Variants in RAB11FIP5 observed in about 807,000 individuals in gnomAD.
RAB11FIP5 encodes rab11 family-interacting protein 5.
In RAB11FIP5, 48 loss-of-function variants were observed where a neutral mutation model predicts 85.1. The ratio of observed to expected loss-of-function variants is 0.56; its 90% CI spans 0.45 to 0.72. The LOEUF (loss-of-function observed/expected upper bound fraction) is 0.72, where lower values mean the gene tolerates loss of function less well. Ranked by LOEUF, RAB11FIP5 falls within the 30% of genes least tolerant of loss-of-function variation. The pLI, the probability that RAB11FIP5 is intolerant of heterozygous loss-of-function variation, is 0.00. For missense variants in RAB11FIP5, 1,491 were observed against 1,687.0 expected (o/e 0.88, Z 2.04); for synonymous variants, 729 against 727.3 (o/e 1.00, Z -0.04).
rs770754642 is a variant in RAB11FIP5 at position 73,089,034 on chromosome 2, T to G, written c.713A>C (p.Asn238Thr). The change falls in exon 2 of 6, where the codon AAC becomes ACC. Residue 238 changes from asparagine to threonine, a missense_variant. By Grantham distance (65) the Asn-to-Thr change is moderately conservative. Transcript: ENST00000486777. The surrounding 1 kb of genome is among the most constrained non-coding windows in gnomAD (Gnocchi z 4.6). ...GGTCAGGGACGACTTGCGCAGCTTG[T>G]TGCGGAGGAAGAAGCCTTTGGCTTT... ...MGKAKGFFLR[N>T]KLRKSSLTQS... 3 of 1,614,208 alleles carry G rather than the reference T, an allele frequency of 1.9e-6. No individual in the cohort carries two copies. Among genetic ancestry groups the G allele is most frequent in the Non-Finnish European group, 2.5e-6 (3 of 1,180,022 alleles).
rs187596944 is a variant in RAB11FIP5 at position 73,097,413 on chromosome 2, C to T, written c.432-8098G>A. ...GCACACGCATGTGTCCCCATGTGCA[C>T]ATCAACATGACAAAATGCTGCACAT... On this transcript the variant is annotated intron_variant, in intron 1 of 5. Coordinates refer to ENST00000486777, the MANE Select transcript of RAB11FIP5 (RefSeq NM_001371272.1). 8.5e-5 allele frequency among the ~76,000 whole-genome samples: 13 copies of T among 152,340 alleles called. 1 individual carries two copies. The highest frequency in any genetic ancestry group is 3.4e-3 in the Middle Eastern group (1 of 294).
chr2:73,111,926 CT>C (rs1391888549), intron 1 of RAB11FIP5, among the ~76,000 whole-genome samples: 1 of 152,228 alleles, frequency 6.6e-6, no homozygotes, highest in Non-Finnish European at 1.5e-5. Flanking sequence ...TAGGGCAAGG[CT>C]GCGCCTCTCC....
At chr2:73,095,316 C>T (rs538951478) in intron 1 of RAB11FIP5, among the ~76,000 whole-genome samples, 195 of 152,318 alleles carry the variant, frequency 1.3e-3, no homozygotes, top group African/African-American at 4.5e-3. Flanking sequence ...AAGAGGCACA[C>T]GCAGCTACTG....
chr2:73,104,533 A>AC (rs1466760227), intron 1 of RAB11FIP5, among the ~76,000 whole-genome samples: 1 of 152,166 alleles, frequency 6.6e-6, no homozygotes, highest in Non-Finnish European at 1.5e-5. Context: ...ACACCATTGC[A>AC]CTCCAGCCTG....
In RAB11FIP5 at chr2:73,081,500, C is replaced by CGGCAGCAGT. The variant is rs904382289; in HGVS notation, c.1723_1731dup (p.Thr575_Ala577dup). ...TCAGGGGCGGCGGTGGTGGCGGCAG[C>CGGCAGCAGT]GGCAGCAGTGGCAGCAGCGGGGGAG... is the stretch of plus-strand genomic sequence containing the variant. On this transcript the variant is annotated inframe_insertion, in exon 4 of 6. Transcript: ENST00000486777. The surrounding 1 kb of genome is among the most constrained non-coding windows in gnomAD (Gnocchi z 4.2). 2 of 1,233,824 alleles carry CGGCAGCAGT rather than the reference C, an allele frequency of 1.6e-6. No homozygotes were observed. Among genetic ancestry groups the CGGCAGCAGT allele is most frequent in the Non-Finnish European group, 2.0e-6 (2 of 989,150 alleles). The allele number at this position is 1,233,824 out of a possible 1,614,324, so 76.4% of individuals were successfully genotyped here. A position where few individuals can be genotyped will look rare whatever the true frequency, so the allele number is the denominator to read the frequency against.
chr2:73,099,138 C>G (rs1227407140), intron 1 of RAB11FIP5, among the ~76,000 whole-genome samples: 1 of 151,000 alleles, frequency 6.6e-6, no homozygotes, highest in Non-Finnish European at 1.5e-5. Flanking sequence ...AAACCTCTGC[C>G]TCCTGAGTTC....
intron 4 of RAB11FIP5, among the ~76,000 whole-genome samples, chr2:73,077,128 G>A (rs1683878812): frequency 6.6e-6 from 1 of 152,132 alleles, no homozygotes; most frequent in South Asian, 2.1e-4. Flanking sequence ...CTCTAACCCA[G>A]AGCTCACTGC....
intron 1 of RAB11FIP5, among the ~76,000 whole-genome samples, chr2:73,112,142 A>G (rs1684670256): frequency 6.6e-6 from 1 of 152,184 alleles, no homozygotes; most frequent in African/African-American, 2.4e-5. Context: ...CCCAGGGACC[A>G]CCAGTGGCTG....
chr2:73,080,451 G>A lies in RAB11FIP5; in HGVS notation c.2781C>T (p.Asn927=). 2.8e-5 allele frequency: 34 copies of A among 1,233,764 alleles called. No individual in the cohort carries two copies. Among genetic ancestry groups the A allele is most frequent in the Non-Finnish European group, 3.2e-5 (32 of 988,902 alleles). 76.4% of individuals were successfully genotyped at this position (1,233,764 alleles called of 1,614,324 possible). A position where few individuals can be genotyped will look rare whatever the true frequency, so the allele number is the denominator to read the frequency against. The change falls in exon 4 of 6, where the codon AAC becomes AAT. Residue 927 remains asparagine (N), a synonymous_variant. Coordinates refer to ENST00000486777, the MANE Select transcript of RAB11FIP5 (RefSeq NM_001371272.1). ...CTTCTCCCTCTGTCTCCGGCCCCCT[G>A]TTACTCAGCCCCACTGCGGCCTTCT... is the stretch of plus-strand genomic sequence containing the variant. ...EEEKAAVGLS[N]RGPETEGEDA...
rs756053840 is a variant in RAB11FIP5, at chr2:73,076,135, G to A, written c.3629C>T (p.Pro1210Leu). ...PLSAAPVEGS[P>L]DRKQSRSSLS... ...ACTGGAGCGGGACTGCTTCCTGTCG[G>A]GGCTGCCCTCCACAGGGGCGGCACT... The change falls in exon 5 of 6, where the codon CCC becomes CTC. Residue 1210 changes from proline to leucine, a missense_variant. This residue lies in a region of RAB11FIP5 where 232 missense variants were observed against 259.1 expected (regional missense o/e 0.90). Transcript: ENST00000486777. The A allele has an allele frequency of 1.9e-6, 3 of 1,613,860 alleles. No homozygotes were observed. The Admixed American group carries it at 5.0e-5, about 27-fold the overall frequency.
At position 73,079,711 on chromosome 2, in the gene RAB11FIP5, G is replaced by A. The variant is rs1683931138; in HGVS notation, c.3521C>T (p.Ser1174Phe). 3 of 1,233,232 alleles carry A rather than the reference G, an allele frequency of 2.4e-6. No individual in the cohort carries two copies. Among genetic ancestry groups the A allele is most frequent in the Non-Finnish European group, 3.0e-6 (3 of 988,980 alleles). 76.4% of individuals were successfully genotyped at this position (1,233,232 alleles called of 1,614,324 possible). A position where few individuals can be genotyped will look rare whatever the true frequency, so the allele number is the denominator to read the frequency against. The change falls in exon 4 of 6, where the codon TCC becomes TTC. Residue 1174 changes from serine to phenylalanine, a missense_variant. By Grantham distance (155) the Ser-to-Phe change is radical. This residue lies in a region of RAB11FIP5 where 232 missense variants were observed against 259.1 expected (regional missense o/e 0.90). Transcript: ENST00000486777. Reference protein sequence around the residue: ...REDLAAATPASPLVLLPLETR... With the variant: ...REDLAAATPAFPLVLLPLETR... ...CTCCAAGGGCAGAAGCACAAGCGGG[G>A]AGGCTGGGGTGGCTGCAGCGAGGTC... is the stretch of plus-strand genomic sequence containing the variant.
At chr2:73,106,613 T>G (rs1369498041) in intron 1 of RAB11FIP5, among the ~76,000 whole-genome samples, 1 of 152,186 alleles carries the variant, frequency 6.6e-6, no homozygotes, top group Non-Finnish European at 1.5e-5. Flanking sequence ...CACTAAAACC[T>G]GGCAGGCACT....
intron 1 of RAB11FIP5, among the ~76,000 whole-genome samples, chr2:73,102,890 A>C (rs1425776864): frequency 6.6e-6 from 1 of 152,162 alleles, no homozygotes; most frequent in African/African-American, 2.4e-5. Context: ...ACCTCTGTAA[A>C]ATGAGGGTGA....
At position 73,080,122 on chromosome 2, in the gene RAB11FIP5, T is replaced by C. The variant is rs1683943508; in HGVS notation, c.3110A>G (p.Asp1037Gly). ...GPEAPEAQGQ[D>G]PVGEGLGSLS... ...GGACCCAAGCCCCTCTCCTACTGGA[T>C]CCTGGCCCTGGGCCTCAGGAGCCTC... Residue 1037 changes from aspartate (D) to glycine (G), a missense_variant, in exon 4 of 6, where the codon GAT becomes GGT. Around this residue, in one of 3 missense-constraint regions of RAB11FIP5, gnomAD observed 1,211 missense variants for 1,338.0 expected, o/e 0.91. Transcript: ENST00000486777. 1 of 1,232,030 alleles carries C rather than the reference T, an allele frequency of 8.1e-7. No homozygotes were observed. Among genetic ancestry groups the C allele is most frequent in the Non-Finnish European group, 1.0e-6 (1 of 988,028 alleles). 76.3% of individuals were successfully genotyped at this position (1,232,030 alleles called of 1,614,324 possible).
chr2:73,112,362 C>G lies in RAB11FIP5; in HGVS notation c.416G>C (p.Arg139Pro). ...VALDEVFGAGRAQHTQWYKLH... is the reference protein window; with the variant it reads ...VALDEVFGAGPAQHTQWYKLH... ...CCCTACTCACTGCGTGTGCTGGGCG[C>G]GGCCTGCGCCGAAGACCTCGTCCAG... The change falls in exon 1 of 6, where the codon CGC becomes CCC. Residue 139 changes from arginine to proline, a missense_variant. Transcript: ENST00000486777. 1 of 1,587,576 alleles carries G rather than the reference C, an allele frequency of 6.3e-7. No individual in the cohort carries two copies. The highest frequency in any genetic ancestry group is 8.5e-7 in the Non-Finnish European group (1 of 1,172,972).
rs1683849786 is a variant in RAB11FIP5 at position 73,075,927 on chromosome 2, A to G, written c.3771+66T>C. 1 of 1,552,066 alleles carries G rather than the reference A, an allele frequency of 6.4e-7. No individual in the cohort carries two copies. On this transcript the variant is annotated intron_variant, in intron 5 of 5. Coordinates refer to ENST00000486777, the MANE Select transcript of RAB11FIP5 (RefSeq NM_001371272.1). The surrounding 1 kb of genome is among the most constrained non-coding windows in gnomAD (Gnocchi z 4.6). ...GCCTGCTCCCTGCCCCACCCTCACC[A>G]GGACCAAGCCCTGAGACTCCACCAC...
Position 73,086,873 on chromosome 2 carries a change from A to G in RAB11FIP5, c.1568+1177T>C, listed in dbSNP as rs1684100140. ...CCCTGAAACTGATCCACCCCCCCAT[A>G]CCCCTATCTATGAGGGTCTAACAGG... On this transcript the variant is annotated intron_variant, in intron 3 of 5. Transcript: ENST00000486777. The surrounding 1 kb of genome is among the most constrained non-coding windows in gnomAD (Gnocchi z 4.4). Among the ~76,000 whole-genome samples the G allele has an allele frequency of 1.3e-5, 2 of 151,736 alleles. No individual in the cohort carries two copies. Among genetic ancestry groups the G allele is most frequent in the South Asian group, 4.2e-4 (2 of 4,800 alleles).
intron 1 of RAB11FIP5, among the ~76,000 whole-genome samples, chr2:73,099,675 G>A (rs189859604): frequency 6.6e-6 from 1 of 152,334 alleles, no homozygotes; most frequent in Admixed American, 6.5e-5. Flanking sequence ...TGACTCCAGA[G>A]AAACAAAAAC....
At chr2:73,095,031 C>T (rs974226176) in intron 1 of RAB11FIP5, among the ~76,000 whole-genome samples, 5 of 152,084 alleles carry the variant, frequency 3.3e-5, no homozygotes, top group African/African-American at 9.7e-5. Flanking sequence ...GCTCAGAGTC[C>T]GGGCTGCCTG....
Sources: gnomAD v4.1 joint callset for allele counts (sites outside exome capture counted in the v4.1 genomes callset) on GRCh38, gnomAD v4.1.1 for gene constraint, gnomAD v4.1.1 regional missense constraint, Gnocchi (gnomAD v3.1) non-coding constraint, MANE v1.5 for transcripts, NCBI Gene and HGNC (gene_info 2026-07-23, HGNC 2026-07-21) for gene names.